The following TSHZ2 variants were observed in gnomAD, a reference collection of about 807,000 sequenced individuals.
The protein encoded by TSHZ2 is teashirt zinc finger homeobox 2, also known as teashirt homolog 2.
In TSHZ2, 21 loss-of-function variants were observed where a neutral mutation model predicts 74.4. The observed-to-expected ratio is 0.28, with a 90% CI of 0.20 to 0.41. TSHZ2 has a LOEUF of 0.41. Among genes scored for constraint, TSHZ2 ranks in the 10% least tolerant of loss-of-function variants. The pLI, the probability that TSHZ2 is intolerant of heterozygous loss-of-function variation, is 1.00. For synonymous variants in TSHZ2, 540 were observed against 515.3 expected (o/e 1.05, Z -0.65); for missense variants, 1,244 against 1,293.5 (o/e 0.96, Z 0.59).
At chr20:53,401,824 C>T (rs781503315) in intron 2 of TSHZ2, among the ~76,000 whole-genome samples, 2 of 140,202 alleles carry the variant, frequency 1.4e-5, no homozygotes, top group Non-Finnish European at 3.0e-5. Context: ...GCTCTGTTGC[C>T]GAGGCTGGAG....
At chr20:53,319,431 A>G (rs550334841) in intron 2 of TSHZ2, among the ~76,000 whole-genome samples, 5 of 152,386 alleles carry the variant, frequency 3.3e-5, no homozygotes, top group African/African-American at 9.6e-5. Flanking sequence ...AGTTTAAACA[A>G]GAGTTAGAAC....
At chr20:52,992,839 T>A (rs999653775) in intron 1 of TSHZ2, among the ~76,000 whole-genome samples, 2 of 152,222 alleles carry the variant, frequency 1.3e-5, no homozygotes, top group Non-Finnish European at 2.9e-5. Flanking sequence ...AGCAAAGTTA[T>A]AGCATCAACA....
At chr20:53,430,932 T>C (rs1424570750) in intron 2 of TSHZ2, among the ~76,000 whole-genome samples, 1 of 152,014 alleles carries the variant, frequency 6.6e-6, no homozygotes, top group Non-Finnish European at 1.5e-5. Flanking sequence ...ATTTTTGTAT[T>C]TTTAGTAGAG....
At chr20:53,252,273 A>G (rs1175059890) in intron 1 of TSHZ2, among the ~76,000 whole-genome samples, 2 of 152,138 alleles carry the variant, frequency 1.3e-5, no homozygotes, top group Admixed American at 1.3e-4. Flanking sequence ...TCCTTTTCCA[A>G]GCTTTGTCCT....
intron 2 of TSHZ2, among the ~76,000 whole-genome samples, chr20:53,449,899 G>T (rs184516612): frequency 2.0e-5 from 3 of 152,272 alleles, no homozygotes; most frequent in African/African-American, 7.2e-5. Context: ...TCTACTTTTT[G>T]TTATGTGCTT....
At chr20:53,438,098 C>CTTTCTTTTTTTTT (rs1204706785) in intron 2 of TSHZ2, among the ~76,000 whole-genome samples, 1 of 149,976 alleles carries the variant, frequency 6.7e-6, no homozygotes, top group African/African-American at 2.5e-5. Context: ...GTGTACTTTT[C>CTTTCTTTTTTTTT]TTTCTTTTTT....
At chr20:53,177,282 G>A (rs1178861911) in intron 1 of TSHZ2, among the ~76,000 whole-genome samples, 1 of 152,226 alleles carries the variant, frequency 6.6e-6, no homozygotes, top group African/African-American at 2.4e-5. Context: ...CATGGTTTTA[G>A]ATTCCAATAC....
chr20:53,472,008 T>A (rs1985821350), intron 2 of TSHZ2, among the ~76,000 whole-genome samples: 1 of 152,024 alleles, frequency 6.6e-6, no homozygotes, highest in Non-Finnish European at 1.5e-5. Flanking sequence ...TTTCTTCATG[T>A]TGGTCAGGCT....
chr20:53,467,550 GA>G (rs1329167261), intron 2 of TSHZ2, among the ~76,000 whole-genome samples: 2 of 152,178 alleles, frequency 1.3e-5, no homozygotes, highest in Non-Finnish European at 2.9e-5. Flanking sequence ...CAACATTTGT[GA>G]AAAGTACTAT....
intron 1 of TSHZ2, among the ~76,000 whole-genome samples, chr20:52,977,048 C>T (rs564621136): frequency 6.6e-6 from 1 of 152,136 alleles, no homozygotes; most frequent in Non-Finnish European, 1.5e-5. Flanking sequence ...CTTAATAACA[C>T]AGGTTATTTA....
At chr20:53,008,935 TATA>T (rs952771006) in intron 1 of TSHZ2, among the ~76,000 whole-genome samples, 3 of 151,520 alleles carry the variant, frequency 2.0e-5, no homozygotes, top group East Asian at 1.9e-4. Context: ...ATAGAACAAT[TATA>T]ATAATATACT....
At chr20:53,030,641 G>A (rs946505242) in intron 1 of TSHZ2, among the ~76,000 whole-genome samples, 1 of 152,174 alleles carries the variant, frequency 6.6e-6, no homozygotes, top group African/African-American at 2.4e-5. Context: ...AATGGCCATT[G>A]TGTCTCTGAA....
chr20:53,166,228 A>C (rs577053631), intron 1 of TSHZ2, among the ~76,000 whole-genome samples: 1 of 152,288 alleles, frequency 6.6e-6, no homozygotes, highest in African/African-American at 2.4e-5. Context: ...ATATTCTATT[A>C]ATCAAGTTAG....
rs1228447796 is a variant in TSHZ2 at position 53,253,593 on chromosome 20, C to A, written c.135C>A (p.Gly45=). ...GTTCAGTAGCTCAACTGCAGGGTGG[C>A]AATGACACAGGGACGGACGAGGAGC... ...DSGSVAQLQG[G]NDTGTDEELE... The change falls in exon 2 of 3, where the codon GGC becomes GGA. Residue 45 remains glycine, a synonymous_variant. Transcript: ENST00000371497. 1.2e-6 allele frequency: 2 copies of A among 1,614,068 alleles called. No individual in the cohort carries two copies. Among genetic ancestry groups the A allele is most frequent in the East Asian group, 4.5e-5 (2 of 44,880 alleles).
At chr20:53,403,033 G>A (rs2145682853) in intron 2 of TSHZ2, among the ~76,000 whole-genome samples, 1 of 152,268 alleles carries the variant, frequency 6.6e-6, no homozygotes, top group African/African-American at 2.4e-5. Flanking sequence ...GTACCCAACA[G>A]GTAGTTTGTC....
chr20:53,325,137 A>G (rs1979437534), intron 2 of TSHZ2, among the ~76,000 whole-genome samples: 2 of 152,212 alleles, frequency 1.3e-5, no homozygotes, highest in Non-Finnish European at 2.9e-5. Context: ...TTTTTCCACC[A>G]GAAGCATTTT....
intron 1 of TSHZ2, among the ~76,000 whole-genome samples, chr20:53,188,791 C>CTA (rs1024030642): frequency 1.4e-4 from 21 of 151,984 alleles, no homozygotes; most frequent in African/African-American, 1.9e-4. Flanking sequence ...CGTAAATTGC[C>CTA]TATATATATA....
At chr20:53,412,842 C>G (rs986512268) in intron 2 of TSHZ2, 1 of 152,382 alleles carries the variant, frequency 6.6e-6, no homozygotes, top group African/African-American at 2.4e-5. Flanking sequence ...CTCCTGAAAC[C>G]CATGGGAGCA....
At chr20:53,176,051 CACTG>C (rs1988329723) in intron 1 of TSHZ2, among the ~76,000 whole-genome samples, 1 of 152,226 alleles carries the variant, frequency 6.6e-6, no homozygotes, top group Non-Finnish European at 1.5e-5. Flanking sequence ...AGATATTTGA[CACTG>C]ACTGGACAGA....
Sources: gnomAD v4.1 joint callset for allele counts (sites outside exome capture counted in the v4.1 genomes callset) on GRCh38, gnomAD v4.1.1 for gene constraint, MANE v1.5 for transcripts, NCBI Gene and HGNC (gene_info 2026-07-23, HGNC 2026-07-21) for gene names.